MACROD2: variants seen among roughly 807,000 people sequenced by gnomAD.
MACROD2 encodes the protein ADP-ribose glycohydrolase MACROD2.
MACROD2 carries 36 observed loss-of-function variants against 70.4 expected under a neutral mutation model. The observed-to-expected ratio is 0.51, with a 90% CI of 0.39 to 0.68. The LOEUF (loss-of-function observed/expected upper bound fraction) is 0.68, where lower values mean the gene tolerates loss of function less well. Ranked by LOEUF, MACROD2 falls within the 30% of genes least tolerant of loss-of-function variation. The pLI, the probability that MACROD2 is intolerant of heterozygous loss-of-function variation, is 0.00. For missense variants in MACROD2, 496 were observed against 538.4 expected (o/e 0.92, Z 0.78); for synonymous variants, 172 against 178.8 (o/e 0.96, Z 0.30).
At chr20:14,717,232 T>C (rs2071407128) in intron 5 of MACROD2, among the ~76,000 whole-genome samples, 1 of 152,158 alleles carries the variant, frequency 6.6e-6, no homozygotes, top group African/African-American at 2.4e-5. Context: ...TTTTCTATAT[T>C]TGGAAGTTTA....
chr20:14,899,317 A>G (rs1182657761), intron 5 of MACROD2, among the ~76,000 whole-genome samples: 1 of 152,196 alleles, frequency 6.6e-6, no homozygotes, highest in Non-Finnish European at 1.5e-5. Flanking sequence ...ACAAAGCACC[A>G]CACACTGAGT....
intron 5 of MACROD2, among the ~76,000 whole-genome samples, chr20:15,217,284 ATAAGTAGTACTTC>A (rs1485157621): frequency 6.6e-6 from 1 of 152,198 alleles, no homozygotes; most frequent in Non-Finnish European, 1.5e-5. Context: ...AGTACTAGTG[ATAAGTAGTACTTC>A]TCATCACCTC....
rs112994640 is a variant in MACROD2 at position 15,360,817 on chromosome 20, G to GT, written c.541-70579dup. ...CCCTAATAACTAGTGATGTTGCACA[G>GT]TTTTTTTTTCGTGTGTTTAATTTAC... On this transcript the variant is annotated intron_variant, in intron 6 of 17. Coordinates refer to ENST00000684519, the MANE Select transcript of MACROD2 (RefSeq NM_001351661.2). Among the ~76,000 whole-genome samples the GT allele has an allele frequency of 7.0e-3, 1,052 of 151,086 alleles. 5 individuals are homozygous for GT. Among genetic ancestry groups the GT allele is most frequent in the African/African-American group, 0.023 (954 of 41,214 alleles).
intron 5 of MACROD2, among the ~76,000 whole-genome samples, chr20:14,734,224 CG>C (rs2071631094): frequency 6.6e-6 from 1 of 151,934 alleles, no homozygotes. Context: ...AGGGGCCGGG[CG>C]TGGTGGCTCA....
intron 4 of MACROD2, among the ~76,000 whole-genome samples, chr20:14,658,421 C>A (rs779254676): frequency 1.3e-5 from 2 of 152,046 alleles, no homozygotes; most frequent in African/African-American, 2.4e-5. Flanking sequence ...TTTATTTTTC[C>A]TAATTTTATT....
intron 8 of MACROD2, among the ~76,000 whole-genome samples, chr20:15,785,173 TAAAAA>T (rs1050777542): frequency 1.5e-5 from 2 of 137,712 alleles, no homozygotes; most frequent in South Asian, 4.5e-4. Flanking sequence ...AAAAAAAAAT[TAAAAA>T]AAATCATGGA....
intron 4 of MACROD2, among the ~76,000 whole-genome samples, chr20:14,556,346 A>G (rs1244274853): frequency 6.6e-6 from 1 of 152,030 alleles, no homozygotes; most frequent in Non-Finnish European, 1.5e-5. Context: ...ACTGCTAGGA[A>G]TTTTTGGAAC....
chr20:15,183,384 A>C (rs2076513475), intron 5 of MACROD2, among the ~76,000 whole-genome samples: 1 of 151,934 alleles, frequency 6.6e-6, no homozygotes, highest in Admixed American at 6.6e-5. Flanking sequence ...AATAAAATAA[A>C]ATAAAATAGT....
chr20:15,963,519 A>G (rs987615531), intron 12 of MACROD2, among the ~76,000 whole-genome samples: 8 of 152,072 alleles, frequency 5.3e-5, no homozygotes, highest in Non-Finnish European at 1.2e-4. Flanking sequence ...ACACATCTCT[A>G]TATTTGCTGG....
intron 3 of MACROD2, among the ~76,000 whole-genome samples, chr20:14,211,926 C>T (rs955550410): frequency 2.0e-5 from 3 of 152,222 alleles, no homozygotes; most frequent in African/African-American, 7.2e-5. Context: ...GCAAATAGTG[C>T]CTTTATTAAA....
At chr20:14,551,667 T>C (rs1978660629) in intron 4 of MACROD2, among the ~76,000 whole-genome samples, 1 of 152,200 alleles carries the variant, frequency 6.6e-6, no homozygotes, top group Non-Finnish European at 1.5e-5. Flanking sequence ...GGTGGATTAC[T>C]GTTGAGATAT....
At chr20:15,795,946 G>A (rs937375442) in intron 8 of MACROD2, among the ~76,000 whole-genome samples, 3 of 152,132 alleles carry the variant, frequency 2.0e-5, no homozygotes, top group African/African-American at 7.2e-5. Flanking sequence ...CTCATGCTCT[G>A]TGGTCATAAG....
chr20:14,546,737 A>G (rs1395489974), intron 4 of MACROD2, among the ~76,000 whole-genome samples: 1 of 151,978 alleles, frequency 6.6e-6, no homozygotes, highest in African/African-American at 2.4e-5. Flanking sequence ...TTATTCTCTC[A>G]ACTTTTCTTT....
chr20:14,690,293 G>A (rs755251832), intron 5 of MACROD2, among the ~76,000 whole-genome samples: 7 of 152,110 alleles, frequency 4.6e-5, no homozygotes, highest in Non-Finnish European at 8.8e-5. Context: ...AAGGCATCAA[G>A]GGGTAATATT....
At chr20:15,842,011 G>C (rs1475598417) in intron 8 of MACROD2, among the ~76,000 whole-genome samples, 3 of 152,084 alleles carry the variant, frequency 2.0e-5, no homozygotes, top group African/African-American at 7.2e-5. Context: ...GTTGGGCTTG[G>C]TTGGAAGAGG....
At chr20:15,374,746 G>A (rs553528849) in intron 6 of MACROD2, among the ~76,000 whole-genome samples, 13 of 152,216 alleles carry the variant, frequency 8.5e-5, no homozygotes, top group Admixed American at 6.5e-4. Flanking sequence ...ACAAATGTAC[G>A]TACATCATTG....
At chr20:14,510,489 TCTC>T (rs532878618) in intron 4 of MACROD2, among the ~76,000 whole-genome samples, 91 of 152,186 alleles carry the variant, frequency 6.0e-4, no homozygotes, top group Non-Finnish European at 1.0e-3. Flanking sequence ...AGTTTATAAT[TCTC>T]CTCTTGAATA....
At chr20:14,854,713 C>G (rs955369023) in intron 5 of MACROD2, among the ~76,000 whole-genome samples, 8 of 152,108 alleles carry the variant, frequency 5.3e-5, no homozygotes, top group Non-Finnish European at 1.0e-4. Flanking sequence ...AAGGTGAGCT[C>G]TCTTTAAGAA....
intron 5 of MACROD2, among the ~76,000 whole-genome samples, chr20:15,130,379 G>A (rs887172718): frequency 6.6e-6 from 1 of 151,742 alleles, no homozygotes; most frequent in Non-Finnish European, 1.5e-5. Flanking sequence ...TCTGGCTTTG[G>A]TAATAGGCAA....
Sources: allele counts gnomAD v4.1 joint callset (sites outside exome capture counted in the v4.1 genomes callset), GRCh38; gene constraint gnomAD v4.1.1; transcripts MANE v1.5; gene names NCBI Gene and HGNC (gene_info 2026-07-23, HGNC 2026-07-21).